Variants in SNX25 observed in about 807,000 individuals in gnomAD.
SNX25 encodes sorting nexin-25.
In SNX25, 62 loss-of-function variants were observed where a neutral mutation model predicts 113.7. That is an observed-to-expected ratio of 0.55 (90% CI 0.44 to 0.67). SNX25 has a LOEUF of 0.67. SNX25 is among the 30% of genes least tolerant of loss of function. The pLI is 0.00. For missense variants in SNX25, 1,014 were observed against 1,161.0 expected (o/e 0.87, Z 1.84); for synonymous variants, 421 against 436.2 (o/e 0.97, Z 0.43).
At chr4:185,219,908 CTTTT>C (rs35064352) in intron 1 of SNX25, among the ~76,000 whole-genome samples, 1 of 143,204 alleles carries the variant, frequency 7.0e-6, no homozygotes, top group Non-Finnish European at 1.5e-5. Context: ...AGTTGTTAAT[CTTTT>C]TTTTTTTTTT....
At chr4:185,314,335 A>AG (rs2095053486) in intron 7 of SNX25, among the ~76,000 whole-genome samples, 2 of 151,554 alleles carry the variant, frequency 1.3e-5, no homozygotes. Context: ...AAAAAAAAAA[A>AG]AAAAAAAAAT....
chr4:185,375,649 C>T, the SNX25 span: 1 of 1,611,576 alleles, frequency 6.2e-7, no homozygotes. Flanking sequence ...CATAGTACAT[C>T]ACTCCTAGCT....
chr4:185,211,891 C>T (rs1446979824), intron 1 of SNX25, among the ~76,000 whole-genome samples: 2 of 152,072 alleles, frequency 1.3e-5, no homozygotes, highest in East Asian at 1.9e-4. Flanking sequence ...AATGCATTCC[C>T]GCAAATCTCC....
intron 7 of SNX25, among the ~76,000 whole-genome samples, chr4:185,317,503 T>C (rs2095083850): frequency 6.6e-6 from 1 of 152,306 alleles, no homozygotes; most frequent in East Asian, 1.9e-4. Flanking sequence ...ATCATTCTGC[T>C]GTAAAGACAC....
At chr4:185,276,260 T>C (rs1174645965) in intron 5 of SNX25, among the ~76,000 whole-genome samples, 1 of 152,196 alleles carries the variant, frequency 6.6e-6, no homozygotes, top group African/African-American at 2.4e-5. Context: ...ACTCAAGATA[T>C]GGCACATTTC....
In SNX25 at chr4:185,210,217, C is replaced by A; in HGVS notation, c.391C>A (p.Arg131=). The part of the protein sequence containing the change: ...QPPDFAAAWS[R]LAATSAARRP... ...GCCCGACTTCGCCGCCGCCTGGAGCCGGCTGGCCGCGACCTCAGCCGCCCG... is the reference window on the plus strand; with the variant it reads ...GCCCGACTTCGCCGCCGCCTGGAGCAGGCTGGCCGCGACCTCAGCCGCCCG... The change falls in exon 1 of 19, where the codon CGG becomes AGG. Residue 131 remains arginine (R), a synonymous_variant. Coordinates refer to ENST00000652585, the MANE Select transcript of SNX25 (RefSeq NM_001378034.2). This position sits in a 1 kb window ranked among gnomAD's most constrained non-coding sequence, Gnocchi z 4.4. 1.0e-6 allele frequency: 1 copy of A among 984,818 alleles called. No individual in the cohort carries two copies. Among genetic ancestry groups the A allele is most frequent in the Non-Finnish European group, 1.2e-6 (1 of 829,988 alleles). 61.0% of individuals were successfully genotyped at this position (984,818 alleles called of 1,614,324 possible).
rs933994215 is a variant in SNX25 at position 185,334,066 on chromosome 4, C to T, written c.1914+1307C>T. 1.0e-4 allele frequency among the ~76,000 whole-genome samples: 15 copies of T among 149,346 alleles called. No individual in the cohort carries two copies. Among genetic ancestry groups the T allele is most frequent in the Admixed American group, 1.3e-4 (2 of 14,946 alleles). ...AAAAAAAAAAAAAAGTGGCTAGGCG[C>T]GGTGGCTCACACCTGTAATCCCAGC... On this transcript the variant is annotated intron_variant, in intron 10 of 18. Transcript: ENST00000652585. This position sits in a 1 kb window ranked among gnomAD's most constrained non-coding sequence, Gnocchi z 4.2.
intron 1 of SNX25, 115 bp from the exon 2 acceptor site, chr4:185,247,179 T>G (rs1744977662): frequency 3.0e-6 from 2 of 673,018 alleles, no homozygotes; most frequent in Non-Finnish European, 5.0e-6. Flanking sequence ...CTTCTGTTAT[T>G]CGTTAAGCCT....
chr4:185,343,839 T>C (rs1330066930), intron 12 of SNX25, among the ~76,000 whole-genome samples: 1 of 152,146 alleles, frequency 6.6e-6, no homozygotes, highest in Non-Finnish European at 1.5e-5. Flanking sequence ...ATCATAATAA[T>C]AACAAGAGTG....
rs1197548045 is a variant in SNX25 at position 185,210,609 on chromosome 4, G to T, written c.429+354G>T. On this transcript the variant is annotated intron_variant, in intron 1 of 18. Transcript: ENST00000652585. The surrounding 1 kb of genome is among the most constrained non-coding windows in gnomAD (Gnocchi z 4.4). Reference sequence around the variant, plus strand: ...AAGGGAATCACAGCGTTCGCTACGTGCAGGCTCTGCGCACGGTCCTGGCGA... The same window carrying T: ...AAGGGAATCACAGCGTTCGCTACGTTCAGGCTCTGCGCACGGTCCTGGCGA... 2.0e-5 allele frequency among the ~76,000 whole-genome samples: 3 copies of T among 152,134 alleles called. No homozygotes were observed. The highest frequency in any genetic ancestry group is 7.2e-5 in the African/African-American group (3 of 41,416).
downstream of SNX25, chr4:185,367,088 G>T (rs1341662426): frequency 9.3e-7 from 1 of 1,075,514 alleles, no homozygotes; most frequent in Non-Finnish European, 1.4e-6. Context: ...AGTGTAATTT[G>T]TGATGTGCAA....
At chr4:185,218,915 C>G (rs536616901) in intron 1 of SNX25, among the ~76,000 whole-genome samples, 3 of 152,108 alleles carry the variant, frequency 2.0e-5, no homozygotes, top group Non-Finnish European at 4.4e-5. Context: ...AGGTTCTGAT[C>G]TCATACAGAA....
At position 185,209,924 on chromosome 4, in the gene SNX25, G is replaced by A; in HGVS notation, c.98G>A (p.Arg33Gln). ...CCTGTCTCGGGCTTCAGGGGCGAGC[G>A]GCGGCCGGAGTCCCCGGGGGACGCG... is the stretch of plus-strand genomic sequence containing the variant. ...GRPVSGFRGERRPESPGDAEA... is the reference protein window; with the variant it reads ...GRPVSGFRGEQRPESPGDAEA... The change falls in exon 1 of 19, where the codon CGG (arginine) becomes CAG (glutamine). Residue 33 changes from arginine to glutamine, a missense_variant. By Grantham distance (43) the Arg-to-Gln change is conservative. Transcript: ENST00000652585. This position sits in a 1 kb window ranked among gnomAD's most constrained non-coding sequence, Gnocchi z 5.2. 1.0e-6 allele frequency: 1 copy of A among 983,246 alleles called. No individual in the cohort carries two copies. The highest frequency in any genetic ancestry group is 1.2e-6 in the Non-Finnish European group (1 of 829,144). The allele number at this position is 983,246 out of a possible 1,614,324, so 60.9% of individuals were successfully genotyped here.
chr4:185,348,502 C>T (rs1035468242), intron 13 of SNX25, among the ~76,000 whole-genome samples: 2 of 152,066 alleles, frequency 1.3e-5, no homozygotes, highest in African/African-American at 4.8e-5. Context: ...AAGCAGTTCT[C>T]CTGCCTCAGC....
intron 11 of SNX25, among the ~76,000 whole-genome samples, chr4:185,340,622 A>G (rs939431765): frequency 1.2e-4 from 19 of 152,222 alleles, no homozygotes; most frequent in African/African-American, 4.6e-4. Context: ...AAAAGCTGCT[A>G]CAAGAGGCTG....
intron 1 of SNX25, among the ~76,000 whole-genome samples, chr4:185,219,200 G>A (rs1739384312): frequency 6.6e-6 from 1 of 152,158 alleles, no homozygotes; most frequent in Admixed American, 6.5e-5. Context: ...CTAAGCCAAG[G>A]CCACATGTAT....
At chr4:185,346,478 C>A in intron 12 of SNX25, 59 bp from the exon 13 acceptor site, 1 of 1,153,148 alleles carries the variant, frequency 8.7e-7, no homozygotes, top group East Asian at 2.5e-5. Flanking sequence ...TATTCTAAAT[C>A]TTTTTTAAGA....
At chr4:185,315,666 A>C (rs955260742) in intron 7 of SNX25, among the ~76,000 whole-genome samples, 2 of 152,174 alleles carry the variant, frequency 1.3e-5, no homozygotes, top group African/African-American at 4.8e-5. Context: ...CAAAAAACGG[A>C]GAAGGGAACA....
chr4:185,240,526 A>AC (rs1298834200), intron 1 of SNX25, among the ~76,000 whole-genome samples: 8 of 144,900 alleles, frequency 5.5e-5, no homozygotes, highest in South Asian at 4.4e-4. Flanking sequence ...CGGGGGGCTG[A>AC]CCCCCCCACC....
Sources: gnomAD v4.1 joint callset for allele counts (sites outside exome capture counted in the v4.1 genomes callset) on GRCh38, gnomAD v4.1.1 for gene constraint, Gnocchi (gnomAD v3.1) non-coding constraint, MANE v1.5 for transcripts, NCBI Gene and HGNC (gene_info 2026-07-23, HGNC 2026-07-21) for gene names.